Variants in TICRR observed in about 807,000 individuals in gnomAD.
TICRR encodes TOPBP1 interacting checkpoint and replication regulator.
In TICRR, 132 loss-of-function variants were observed where a neutral mutation model predicts 178.1. The ratio of observed to expected loss-of-function variants is 0.74; its 90% CI spans 0.64 to 0.86. The LOEUF is 0.86. TICRR is among the 40% of genes least tolerant of loss of function. TICRR has a pLI of 0.00. For synonymous variants in TICRR, 991 were observed against 900.7 expected, an observed-to-expected ratio of 1.10 and a Z score of -1.79; for missense variants, 2,587 against 2,334.3, an observed-to-expected ratio of 1.11 and a Z score of -2.23.
chr15:89,626,709 G>C (rs1963534621), intron 21 of TICRR, among the ~76,000 whole-genome samples: 1 of 152,160 alleles, frequency 6.6e-6, no homozygotes, highest in Non-Finnish European at 1.5e-5. Flanking sequence ...ATTAACCTGA[G>C]GGAATTCAAA....
rs1963466649 is a variant in TICRR at position 89,623,964 on chromosome 15, C to G, written c.3654C>G (p.Ser1218=). ...PNCTWPHSVN[S]SPESPSCPAP... is the part of the protein sequence containing the mutation. ...GTACTTGGCCACATTCAGTGAATTC[C>G]AGTCCAGAAAGCCCCTCCTGTCCAG... The change falls in exon 20 of 22, where the codon TCC becomes TCG. Residue 1218 remains serine, a synonymous_variant. Coordinates refer to ENST00000268138, the MANE Select transcript of TICRR (RefSeq NM_152259.4). 3 of 1,613,968 alleles carry G rather than the reference C, an allele frequency of 1.9e-6. No individual in the cohort carries two copies. The highest frequency in any genetic ancestry group is 1.7e-6 in the Non-Finnish European group (2 of 1,180,016).
chr15:89,585,661 G>A (rs763858411), intron 3 of TICRR, 47 bp from the exon 4 acceptor site: 2 of 1,285,348 alleles, frequency 1.6e-6, no homozygotes, highest in Non-Finnish European at 2.3e-6. Flanking sequence ...TTCTTCTTTA[G>A]GCATATTGAC....
At chr15:89,602,768 A>G (rs770363860) in intron 12 of TICRR, 28 bp from the exon 13 acceptor site, 4 of 1,148,924 alleles carry the variant, frequency 3.5e-6, no homozygotes, top group Admixed American at 2.9e-5. Context: ...TCTATCTAGT[A>G]TGTATTAACT....
intron 4 of TICRR, among the ~76,000 whole-genome samples, chr15:89,586,358 A>C (rs1313991639): frequency 7.9e-6 from 1 of 125,832 alleles, no homozygotes; most frequent in East Asian, 2.4e-4. Flanking sequence ...ATACGTATAC[A>C]TATATATATA....
intron 2 of TICRR, 23 bp from the exon 3 acceptor site, chr15:89,584,263 G>A (rs1962779903): frequency 6.4e-7 from 1 of 1,563,300 alleles, no homozygotes; most frequent in Non-Finnish European, 8.7e-7. Context: ...TGGCATCCTG[G>A]TCTAATTAAT....
At position 89,626,062 on chromosome 15, in the gene TICRR, G is replaced by C; in HGVS notation, c.5602+1G>C. On this transcript the variant is annotated splice_donor_variant, in intron 21 of 21. Transcript: ENST00000268138. LOFTEE classifies it high-confidence loss of function. ...TCCTCTCAGAGCAAAGACCCCAGAG[G>C]TAATGTTTGTTGAAGGTCTAGGACC... 1 of 1,613,694 alleles carries C rather than the reference G, an allele frequency of 6.2e-7. No individual in the cohort carries two copies. The highest frequency in any genetic ancestry group is 2.2e-5 in the East Asian group (1 of 44,866).
rs59398617 is a variant in TICRR at position 89,609,100 on chromosome 15, C to CTTTTTTTTTTTTTTTTTTTTT, written c.2869+159_2869+179dup. On this transcript the variant is annotated intron_variant, in intron 15 of 21. Coordinates refer to ENST00000268138, the MANE Select transcript of TICRR (RefSeq NM_152259.4). The stretch of plus-strand genomic sequence containing the variant: ...CTAAAGGTTTGTCAATTTTGTTAAT[C>CTTTTTTTTTTTTTTTTTTTTT]TTTTTTTTTTTTTTTTTTTTTTTTT... 10 of 81,476 alleles carry CTTTTTTTTTTTTTTTTTTTTT rather than the reference C, an allele frequency of 1.2e-4. 2 individuals are homozygous for CTTTTTTTTTTTTTTTTTTTTT. Among genetic ancestry groups the CTTTTTTTTTTTTTTTTTTTTT allele is most frequent in the African/African-American group, 1.1e-3 (10 of 9,404 alleles). The allele number at this position is 81,476 out of a possible 1,614,324, so 5.0% of individuals were successfully genotyped here.
intron 5 of TICRR, among the ~76,000 whole-genome samples, chr15:89,594,196 AT>A (rs1163268797): frequency 6.6e-6 from 1 of 152,212 alleles, no homozygotes; most frequent in Non-Finnish European, 1.5e-5. Context: ...GTAATGGTTA[AT>A]GGTTTTGTGA....
chr15:89,621,240 C>T (rs545035519), intron 18 of TICRR, among the ~76,000 whole-genome samples, 153 bp from the exon 19 acceptor site: 123 of 149,240 alleles, frequency 8.2e-4, no homozygotes, highest in South Asian at 1.3e-3. Context: ...AGGCTGGTCT[C>T]GAACTCCTGA....
intron 14 of TICRR, 60 bp from the exon 15 acceptor site, chr15:89,608,743 G>T: frequency 7.0e-7 from 1 of 1,430,342 alleles, no homozygotes; most frequent in East Asian, 2.5e-5. Context: ...TCTCAGATAC[G>T]GCATTTATTG....
intron 4 of TICRR, 127 bp from the exon 5 acceptor site, chr15:89,591,920 T>C: frequency 2.7e-6 from 2 of 728,882 alleles, no homozygotes. Flanking sequence ...AGAACAAATG[T>C]TAACTGTGCA....
intron 7 of TICRR, among the ~76,000 whole-genome samples, chr15:89,598,487 T>A (rs894271112): frequency 3.9e-5 from 6 of 151,908 alleles, no homozygotes; most frequent in Non-Finnish European, 7.4e-5. Flanking sequence ...CTCAGCCTCC[T>A]GAGTAGCTGG....
At position 89,623,622 on chromosome 15, in the gene TICRR, G is replaced by C. The variant is rs1963459640; in HGVS notation, c.3313-1G>C. The C allele has an allele frequency of 1.3e-6, 2 of 1,593,768 alleles. No homozygotes were observed. The highest frequency in any genetic ancestry group is 3.7e-5 in the Admixed American group (2 of 54,756). On this transcript the variant is annotated splice_acceptor_variant, in intron 19 of 21. Transcript: ENST00000268138. LOFTEE classifies it high-confidence loss of function. The stretch of plus-strand genomic sequence containing the variant: ...ACTGAAATAAGCATTTCTCTTTTCA[G>C]ACTCCCAAGAAGAGTCACCAGAAAT...
chr15:89,579,303 G>A (rs574865719), intron 1 of TICRR, among the ~76,000 whole-genome samples: 7 of 152,070 alleles, frequency 4.6e-5, no homozygotes, highest in Admixed American at 1.3e-4. Context: ...ATACGCATAC[G>A]AGTGAAAAAT....
chr15:89,595,368 C>A, intron 6 of TICRR, 25 bp from the exon 7 acceptor site: 1 of 1,568,514 alleles, frequency 6.4e-7, no homozygotes, highest in African/African-American at 1.3e-5. Context: ...AATTTACTTT[C>A]CCTCCTCTGA....
chr15:89,619,266 C>T (rs1426256558), intron 17 of TICRR, among the ~76,000 whole-genome samples: 1 of 121,834 alleles, frequency 8.2e-6, no homozygotes, highest in African/African-American at 3.2e-5. Flanking sequence ...TGCTCTGTCG[C>T]CCAGGCTGGA....
chr15:89,576,195 C>T lies in TICRR; in HGVS notation c.609C>T (p.Ala203=), dbSNP rs967409043. 1.3e-6 allele frequency: 2 copies of T among 1,595,922 alleles called. No homozygotes were observed. Among genetic ancestry groups the T allele is most frequent in the African/African-American group, 1.3e-5 (1 of 74,656 alleles). Residue 203 remains alanine (A), a synonymous_variant, in exon 1 of 22, where the codon GCC becomes GCT. Transcript: ENST00000268138. ...AGAGAGTCCGGGAAGTCATGGTCGC[C>T]CGAAAAATCACCTTCTACTGGGTGG... ...LPKRVREVMV[A]RKITFYWVDT...
rs150565858 is a variant in TICRR at position 89,582,933 on chromosome 15, G to T, written c.902G>T (p.Arg301Leu). 5.6e-6 allele frequency: 9 copies of T among 1,613,436 alleles called. No individual in the cohort carries two copies. The highest frequency in any genetic ancestry group is 1.7e-5 in the Admixed American group (1 of 59,962). ...NSPEYEASFPRMEGMLFLPVE... is the reference protein window; with the variant it reads ...NSPEYEASFPLMEGMLFLPVE... ...CCTGAGTATGAGGCCTCGTTTCCACGAATGGAAGGAATGTTATTTCTCCCT... is the reference window on the plus strand; with the variant it reads ...CCTGAGTATGAGGCCTCGTTTCCACTAATGGAAGGAATGTTATTTCTCCCT... The change falls in exon 2 of 22, where the codon CGA becomes CTA. Residue 301 changes from arginine to leucine, a missense_variant. Physicochemically the swap from Arg to Leu is moderately radical, Grantham distance 102. Transcript: ENST00000268138.
Position 89,602,865 on chromosome 15 carries a change from T to A in TICRR, c.2637T>A (p.Pro879=). ...AGAATCTTCGACAAATTGAAATTCCTAAAGTGTCAAAGAGAGCTACGAAAA... is the reference window on the plus strand; with the variant it reads ...AGAATCTTCGACAAATTGAAATTCCAAAAGTGTCAAAGAGAGCTACGAAAA... ...VSQNLRQIEI[P]KVSKRATKKE... The change falls in exon 13 of 22, where the codon CCT becomes CCA. Residue 879 remains proline, a synonymous_variant. Transcript: ENST00000268138. 2 of 1,531,620 alleles carry A rather than the reference T, an allele frequency of 1.3e-6. No individual in the cohort carries two copies. Among genetic ancestry groups the A allele is most frequent in the Non-Finnish European group, 1.8e-6 (2 of 1,139,940 alleles). The allele number at this position is 1,531,620 out of a possible 1,614,324, so 94.9% of individuals were successfully genotyped here.
Sources: allele counts gnomAD v4.1 joint callset (sites outside exome capture counted in the v4.1 genomes callset), GRCh38; gene constraint gnomAD v4.1.1; transcripts MANE v1.5; gene names NCBI Gene and HGNC (gene_info 2026-07-23, HGNC 2026-07-21).